The following C3 variants were observed in gnomAD, a reference collection of about 807,000 sequenced individuals.
The protein encoded by C3 is C3 and PZP-like alpha-2-macroglobulin domain-containing protein 1.
C3 carries 97 observed loss-of-function variants against 207.9 expected under a neutral mutation model. That is an observed-to-expected ratio of 0.47 (90% CI 0.40 to 0.55). The LOEUF (loss-of-function observed/expected upper bound fraction) is 0.55, where lower values mean the gene tolerates loss of function less well. Among genes scored for constraint, C3 ranks in the 20% least tolerant of loss-of-function variants. C3 has a pLI of 0.00. For missense variants in C3, 1,684 were observed against 2,171.7 expected, an observed-to-expected ratio of 0.78 and a Z score of 4.46; for synonymous variants, 848 against 857.6, an observed-to-expected ratio of 0.99 and a Z score of 0.20.
Position 6,709,839 on chromosome 19 carries a change from C to T in C3, c.1690G>A (p.Val564Met), listed in dbSNP as rs1291458299. The T allele has an allele frequency of 6.2e-7, 1 of 1,613,590 alleles. No individual in the cohort carries two copies. The highest frequency in any genetic ancestry group is 8.5e-7 in the Non-Finnish European group (1 of 1,179,998). Reference sequence around the variant, plus strand: ...TCTTCTGACTGGCCGCTTTTTACCACCAGCTGTGGGGAGGGTGGAGACGCC... The same window carrying T: ...TCTTCTGACTGGCCGCTTTTTACCATCAGCTGTGGGGAGGGTGGAGACGCC... ...DVKDSCVGSL[V>M]VKSGQSEDRQ... Residue 564 changes from valine (V) to methionine (M), a missense_variant, in exon 14 of 41, where the codon GTG becomes ATG. Physicochemically the swap from Val to Met is conservative, Grantham distance 21 (BLOSUM62 1). Around this residue, in one of 3 missense-constraint regions of C3, gnomAD observed 1,280 missense variants for 1,739.1 expected, o/e 0.74. Transcript: ENST00000245907.
chr19:6,707,247 T>TG lies in C3; in HGVS notation c.2073dup (p.Lys692GlnfsTer59). ...TCCCGCATGCCGTCCTCGCAGCACTTGCGCAGCTCCTTGGGGTACTTGCCG... is the reference window on the plus strand; with the variant it reads ...TCCCGCATGCCGTCCTCGCAGCACTTGGCGCAGCTCCTTGGGGTACTTGCCG... On this transcript the variant is annotated frameshift_variant, in exon 17 of 41. Coordinates refer to ENST00000245907, the MANE Select transcript of C3 (RefSeq NM_000064.4). LOFTEE classifies it high-confidence loss of function. 6.2e-7 allele frequency: 1 copy of TG among 1,612,294 alleles called. No individual in the cohort carries two copies.
chr19:6,709,499 A>G (rs552697482), intron 14 of C3, among the ~76,000 whole-genome samples, 185 bp downstream of exon 14: 69 of 152,172 alleles, frequency 4.5e-4, no homozygotes, highest in African/African-American at 1.6e-3. Context: ...ACCATCCCCA[A>G]TTGGAACCCA....
Position 6,711,045 on chromosome 19 carries a change from T to C in C3, c.1421A>G (p.Asn474Ser). The change falls in exon 12 of 41, where the codon AAC becomes AGC. Residue 474 changes from asparagine (N) to serine (S), a missense_variant. Coordinates refer to ENST00000245907, the MANE Select transcript of C3 (RefSeq NM_000064.4). ...ELRPGETLNVNFLLRMDRAHE... is the reference protein window; with the variant it reads ...ELRPGETLNVSFLLRMDRAHE... Reference sequence around the variant, plus strand: ...GGCGCGGTCCATTCGCAGGAGGAAGTTGACGTTGAGGGTCTCCCCGGGTCT... The same window carrying C: ...GGCGCGGTCCATTCGCAGGAGGAAGCTGACGTTGAGGGTCTCCCCGGGTCT... The C allele has an allele frequency of 6.2e-7, 1 of 1,614,126 alleles. No individual in the cohort carries two copies. Among genetic ancestry groups the C allele is most frequent in the Non-Finnish European group, 8.5e-7 (1 of 1,180,010 alleles).
intron 27 of C3, among the ~76,000 whole-genome samples, chr19:6,690,044 C>T (rs1363526243): frequency 2.0e-5 from 3 of 152,086 alleles, no homozygotes; most frequent in African/African-American, 7.2e-5. Context: ...AGACTCTCAG[C>T]GGCCCATCTT....
At chr19:6,711,562 T>G (rs865943146) in intron 11 of C3, among the ~76,000 whole-genome samples, 1 of 152,194 alleles carries the variant, frequency 6.6e-6, no homozygotes, top group African/African-American at 2.4e-5. Flanking sequence ...CCAGGACTTC[T>G]GACCTCTCAA....
At position 6,707,286 on chromosome 19, in the gene C3, G is replaced by A. The variant is rs1245527968; in HGVS notation, c.2048-13C>T. 2.3e-5 allele frequency: 37 copies of A among 1,581,752 alleles called. No individual in the cohort carries two copies. The highest frequency in any genetic ancestry group is 3.0e-5 in the Non-Finnish European group (35 of 1,175,482). On this transcript the variant is annotated splice_polypyrimidine_tract_variant and intron_variant, in intron 16 of 40. Coordinates refer to ENST00000245907, the MANE Select transcript of C3 (RefSeq NM_000064.4). ...GGGTACTTGCCGACTGCGGGAGCAC[G>A]TGTTCCCCCAGGCCACACCCTCAGC... is the stretch of plus-strand genomic sequence containing the variant.
chr19:6,690,736 G>C lies in C3; in HGVS notation c.3391-9C>G. ...TTGTTCCGTAATCCACCCTGAGATA[G>C]AGAGCAGAAAGCAAGGATGGGGTCA... On this transcript the variant is annotated splice_polypyrimidine_tract_variant and intron_variant, in intron 26 of 40. Coordinates refer to ENST00000245907, the MANE Select transcript of C3 (RefSeq NM_000064.4). The C allele has an allele frequency of 1.2e-6, 2 of 1,611,348 alleles. No homozygotes were observed. Among genetic ancestry groups the C allele is most frequent in the South Asian group, 2.2e-5 (2 of 90,984 alleles).
rs11569419 is a variant in C3, at chr19:6,715,575, GC to G, written c.505-1130del. On this transcript the variant is annotated intron_variant, in intron 4 of 40. Coordinates refer to ENST00000245907, the MANE Select transcript of C3 (RefSeq NM_000064.4). ...CAAGTGGCATATCTGAAGGCCGTGA[GC>G]TGGCTTTAGGAATTAAAACATATAA... Among the ~76,000 whole-genome samples the G allele has an allele frequency of 6.4e-3, 969 of 152,122 alleles. 9 individuals carry two copies. The highest frequency in any genetic ancestry group is 0.022 in the African/African-American group (922 of 41,518).
At chr19:6,705,422 CG>C (rs1967754390) in intron 17 of C3, among the ~76,000 whole-genome samples, 1 of 144,908 alleles carries the variant, frequency 6.9e-6, no homozygotes, top group Non-Finnish European at 1.5e-5. Flanking sequence ...GGCTCATTGA[CG>C]CCTCCATCTC....
chr19:6,720,161 G>C (rs1485506734), intron 1 of C3, among the ~76,000 whole-genome samples: 2 of 151,936 alleles, frequency 1.3e-5, no homozygotes, highest in Non-Finnish European at 2.9e-5. Flanking sequence ...CACCATACCT[G>C]GATTCCACAA....
intron 4 of C3, chr19:6,717,641 G>C (rs1295996067): frequency 3.4e-6 from 1 of 291,786 alleles, no homozygotes; most frequent in Non-Finnish European, 6.7e-6. Flanking sequence ...GTGTGGTTGT[G>C]TGTTGTGTGT....
chr19:6,719,301 G>T lies in C3; in HGVS notation c.177C>A (p.Val59=). ...AQGDVPVTVT[V]HDFPGKKLVL... is the part of the protein sequence containing the mutation. ...CTAGTTTTTTGCCTGGGAAGTCGTG[G>T]ACAGTAACAGTGACTGGAACATCCC... The change falls in exon 2 of 41, where the codon GTC becomes GTA. Residue 59 remains valine (V), a synonymous_variant. Transcript: ENST00000245907. The surrounding 1 kb of genome is among the most constrained non-coding windows in gnomAD (Gnocchi z 5.4). 1 of 1,614,038 alleles carries T rather than the reference G, an allele frequency of 6.2e-7. No homozygotes were observed. Among genetic ancestry groups the T allele is most frequent in the South Asian group, 1.1e-5 (1 of 91,084 alleles).
rs1918098841 is a variant in C3, at chr19:6,689,330, TCC to T, written c.3489+1297_3489+1298del. 2.7e-3 allele frequency among the ~76,000 whole-genome samples: 117 copies of T among 42,800 alleles called. 1 individual carries two copies. Among genetic ancestry groups the T allele is most frequent in the African/African-American group, 0.013 (114 of 8,614 alleles). The allele number at this position is 42,800 out of a possible 152,430, so 28.1% of individuals were successfully genotyped here. On this transcript the variant is annotated intron_variant, in intron 27 of 40. Transcript: ENST00000245907. Reference sequence around the variant, plus strand: ...CTCTCTCTCTCTCTCTCTACCTACCTCCCTCCCTCCCTCCCTCCCTCCCTCCC... The same window carrying T: ...CTCTCTCTCTCTCTCTCTACCTACCTCTCCCTCCCTCCCTCCCTCCCTCCC...
intron 14 of C3, 69 bp downstream of exon 14, chr19:6,709,615 A>ACCCCCCCCCCCCCCCCC: frequency 2.5e-6 from 1 of 403,616 alleles, no homozygotes; most frequent in Non-Finnish European, 4.4e-6. Flanking sequence ...CTCCAGTCCC[A>ACCCCCCCCCCCCCCCCC]CCCACCTCCC....
Position 6,702,506 on chromosome 19 carries a change from C to T in C3, c.2319G>A (p.Trp773Ter). 1 of 1,614,126 alleles carries T rather than the reference C, an allele frequency of 6.2e-7. No individual in the cohort carries two copies. The highest frequency in any genetic ancestry group is 1.1e-5 in the South Asian group (1 of 91,080). The stretch of plus-strand genomic sequence containing the variant: ...GTGGCTCTTTCAAGTCCTCAACGTT[C>T]CACAGCCAGCTCTCTGGGAACTCAC... ...SRSEFPESWLWNVEDLKEPPK... is the reference protein window; with the variant it reads ...SRSEFPESWL Residue 773 changes from tryptophan to a stop codon, truncating the protein, a stop_gained, in exon 18 of 41, where the codon TGG becomes TGA. Coordinates refer to ENST00000245907, the MANE Select transcript of C3 (RefSeq NM_000064.4). LOFTEE classifies it high-confidence loss of function.
intron 35 of C3, among the ~76,000 whole-genome samples, chr19:6,681,488 G>A (rs1438592099): frequency 6.6e-6 from 1 of 151,922 alleles, no homozygotes; most frequent in African/African-American, 2.4e-5. Flanking sequence ...TGACTTTGCA[G>A]TGAGCTAGTA....
intron 15 of C3, 82 bp from the exon 16 acceptor site, chr19:6,707,619 T>C: frequency 6.5e-7 from 1 of 1,545,284 alleles, no homozygotes; most frequent in Non-Finnish European, 8.9e-7. Flanking sequence ...TCGTGTGAGG[T>C]GGGGGTGTTC....
At chr19:6,707,358 T>A in intron 16 of C3, 85 bp from the exon 17 acceptor site, 1 of 1,594,494 alleles carries the variant, frequency 6.3e-7, no homozygotes. Flanking sequence ...CAGGGAGGAC[T>A]TCCCCGCCGC....
intron 24 of C3, 123 bp downstream of exon 24, chr19:6,694,308 A>C (rs562900034): frequency 3.1e-5 from 25 of 806,922 alleles, no homozygotes; most frequent in East Asian, 2.9e-4. Context: ...AAATGAGGGG[A>C]GTGGCTAGGA....
Sources: gnomAD v4.1 joint callset for allele counts (sites outside exome capture counted in the v4.1 genomes callset) on GRCh38, gnomAD v4.1.1 for gene constraint, gnomAD v4.1.1 regional missense constraint, Gnocchi (gnomAD v3.1) non-coding constraint, MANE v1.5 for transcripts, NCBI Gene and HGNC (gene_info 2026-07-23, HGNC 2026-07-21) for gene names.